The following HDX variants were observed in gnomAD, a reference collection of about 807,000 sequenced individuals.
HDX encodes chromosome X open reading frame 43.
Under a neutral mutation model 45.2 loss-of-function variants are expected in HDX, and 19 were observed. The observed-to-expected ratio is 0.42, with a 90% CI of 0.29 to 0.62. The LOEUF is 0.62. Among genes scored for constraint, HDX ranks in the 20% least tolerant of loss-of-function variants. The pLI is 0.20. For missense variants in HDX, 532 were observed against 493.9 expected (o/e 1.08, Z -0.73); for synonymous variants, 188 against 172.8 (o/e 1.09, Z -0.69).
At chrX:84,406,541 G>GCATC (rs2038833901) in intron 5 of HDX, among the ~76,000 whole-genome samples, 1 of 104,600 alleles carries the variant, frequency 9.6e-6, no homozygotes, top group Non-Finnish European at 2.0e-5. Context: ...CACACTCTAT[G>GCATC]TATCTATCTA....
In HDX at chrX:84,319,264, T is replaced by C. The variant is rs1185233772; in HGVS notation, c.*2625A>G. The C allele has an allele frequency of 9.0e-6, 1 of 111,139 alleles. No homozygotes were observed. Among genetic ancestry groups the C allele is most frequent in the African/African-American group, 3.3e-5 (1 of 30,769 alleles). The allele number at this position is 111,139 out of a possible 1,213,427, so 9.2% of individuals were successfully genotyped here. Reference sequence around the variant, plus strand: ...AAGAAAGAAACACTAGTTAGTTAATTTTTATCCCCAGCCATGAAGATGTCC... The same window carrying C: ...AAGAAAGAAACACTAGTTAGTTAATCTTTATCCCCAGCCATGAAGATGTCC... On this transcript the variant is annotated 3_prime_UTR_variant, in exon 11 of 11. Coordinates refer to ENST00000373177, the MANE Select transcript of HDX (RefSeq NM_001177479.2).
At chrX:84,376,584 T>C (rs1420785899) in intron 5 of HDX, among the ~76,000 whole-genome samples, 1 of 111,632 alleles carries the variant, frequency 9.0e-6, no homozygotes, top group East Asian at 2.8e-4. Context: ...TAAGGGAATG[T>C]TGGCAGTAGT....
chrX:84,450,690 T>C (rs1000290797), intron 4 of HDX, among the ~76,000 whole-genome samples: 24 of 112,284 alleles, frequency 2.1e-4, no homozygotes, highest in Non-Finnish European at 2.8e-4. Flanking sequence ...ATTACATCAA[T>C]TGGACTTAAA....
chrX:84,449,403 C>G (rs1021483282), intron 4 of HDX, among the ~76,000 whole-genome samples: 4 of 111,440 alleles, frequency 3.6e-5, no homozygotes, highest in African/African-American at 1.3e-4. Flanking sequence ...AAGAGAGATT[C>G]TGAAAACAGC....
At chrX:84,386,010 T>C in intron 5 of HDX, among the ~76,000 whole-genome samples, 1 of 109,633 alleles carries the variant, frequency 9.1e-6, no homozygotes, top group Middle Eastern at 4.8e-3. Context: ...ATGGCTCTTA[T>C]TATTTTGAGG....
At chrX:84,351,052 T>TATC (rs1212029813) in intron 6 of HDX, among the ~76,000 whole-genome samples, 7 of 106,926 alleles carry the variant, frequency 6.5e-5, no homozygotes, top group African/African-American at 2.4e-4. Flanking sequence ...TCTATCTATC[T>TATC]ATCATCTATC....
intron 4 of HDX, among the ~76,000 whole-genome samples, chrX:84,457,751 G>A (rs1050737518): frequency 5.4e-5 from 6 of 111,733 alleles, no homozygotes; most frequent in African/African-American, 1.9e-4. Flanking sequence ...CAGTCCAGAA[G>A]TGGCAGTATA....
intron 5 of HDX, among the ~76,000 whole-genome samples, chrX:84,428,465 GTC>G (rs762496686): frequency 1.9e-4 from 21 of 110,572 alleles, no homozygotes; most frequent in Non-Finnish European, 3.2e-4. Context: ...TCTACTTTCT[GTC>G]TCTATGAATT....
At chrX:84,382,031 G>A (rs1741808370) in intron 5 of HDX, among the ~76,000 whole-genome samples, 1 of 111,334 alleles carries the variant, frequency 9.0e-6, no homozygotes, top group African/African-American at 3.3e-5. Flanking sequence ...ATTAAAAATG[G>A]GCAAAAGATT....
At chrX:84,322,806 T>C (rs2036624512) in intron 10 of HDX, among the ~76,000 whole-genome samples, 1 of 111,491 alleles carries the variant, frequency 9.0e-6, no homozygotes, top group African/African-American at 3.2e-5. Flanking sequence ...AATGTTCACT[T>C]GACCATGAGG....
At chrX:84,373,383 G>A (rs1481626017) in intron 5 of HDX, among the ~76,000 whole-genome samples, 1 of 111,123 alleles carries the variant, frequency 9.0e-6, no homozygotes, top group Non-Finnish European at 1.9e-5. Flanking sequence ...TTAAAAAAAA[G>A]AGGGAATCCT....
intron 5 of HDX, among the ~76,000 whole-genome samples, chrX:84,400,440 A>G (rs768712076): frequency 5.6e-5 from 6 of 108,000 alleles, no homozygotes; most frequent in Admixed American, 1.0e-4. Flanking sequence ...ATCGTAACAA[A>G]CTCCCATTCA....
chrX:84,475,465 A>AT (rs1013757639), intron 2 of HDX, 68 bp from the exon 3 acceptor site: 4 of 605,707 alleles, frequency 6.6e-6, no homozygotes, highest in Admixed American at 9.5e-5. Context: ...TTGTACACCT[A>AT]TTTTTTTAAT....
chrX:84,336,041 T>C (rs1277338699), intron 8 of HDX, among the ~76,000 whole-genome samples: 1 of 110,457 alleles, frequency 9.1e-6, no homozygotes, highest in Non-Finnish European at 1.9e-5. Flanking sequence ...TTTTAGTGGC[T>C]GCAATCAAAC....
chrX:84,373,817 A>G (rs2037965128), intron 5 of HDX, among the ~76,000 whole-genome samples: 1 of 111,455 alleles, frequency 9.0e-6, no homozygotes, highest in Admixed American at 9.6e-5. Flanking sequence ...GATTGTGCAA[A>G]AACTGGAAGC....
At chrX:84,330,586 A>G in intron 9 of HDX, among the ~76,000 whole-genome samples, 1 of 111,727 alleles carries the variant, frequency 9.0e-6, no homozygotes, top group African/African-American at 3.3e-5. Flanking sequence ...CTGACCAGGA[A>G]GTCGTTTCTA....
intron 4 of HDX, among the ~76,000 whole-genome samples, chrX:84,453,384 T>A (rs73508920): frequency 0.23 from 25,278 of 111,379 alleles, 2,250 homozygotes; most frequent in Non-Finnish European, 0.29. Flanking sequence ...AGGATCCATG[T>A]GGTGCAGAGA....
intron 7 of HDX, among the ~76,000 whole-genome samples, chrX:84,342,385 G>A (rs770820345): frequency 5.4e-5 from 6 of 111,422 alleles, no homozygotes; most frequent in Non-Finnish European, 9.4e-5. Flanking sequence ...AAAGAAGAAT[G>A]AGGGCCCTAC....
At chrX:84,377,037 G>A (rs912917400) in intron 5 of HDX, among the ~76,000 whole-genome samples, 2 of 112,225 alleles carry the variant, frequency 1.8e-5, no homozygotes, top group African/African-American at 6.5e-5. Flanking sequence ...CCCAGATTTA[G>A]GTACTCAGAA....
Sources: allele counts gnomAD v4.1 joint callset (sites outside exome capture counted in the v4.1 genomes callset), GRCh38; gene constraint gnomAD v4.1.1; transcripts MANE v1.5; gene names NCBI Gene and HGNC (gene_info 2026-07-23, HGNC 2026-07-21).